Variants in C12orf42 observed in about 807,000 individuals in gnomAD.
The protein encoded by C12orf42 is uncharacterized protein C12orf42.
A neutral mutation model predicts 21.6 loss-of-function variants in C12orf42; 25 were observed. That is an observed-to-expected ratio of 1.16 (90% CI 0.84 to 1.62). The LOEUF (loss-of-function observed/expected upper bound fraction) is 1.62. Among genes scored for constraint, C12orf42 ranks in the 40% most tolerant of loss-of-function variants. The pLI is 0.00. For missense variants in C12orf42, 483 were observed against 459.3 expected (o/e 1.05, Z -0.47); for synonymous variants, 174 against 175.0 (o/e 0.99, Z 0.05).
intron 2 of C12orf42, among the ~76,000 whole-genome samples, chr12:103,464,467 C>T (rs1338078486): frequency 1.3e-5 from 2 of 150,210 alleles, no homozygotes; most frequent in East Asian, 3.9e-4. Flanking sequence ...GGATATTAGA[C>T]CTTTGTCAGA....
the C12orf42 span, among the ~76,000 whole-genome samples, chr12:103,156,703 C>G: frequency 6.6e-6 from 1 of 152,116 alleles, no homozygotes; most frequent in East Asian, 1.9e-4. Context: ...TCAACTCCCA[C>G]TTATGAGTGA....
At chr12:103,130,575 G>T in the C12orf42 span, among the ~76,000 whole-genome samples, 2 of 152,126 alleles carry the variant, frequency 1.3e-5, no homozygotes, top group Non-Finnish European at 2.9e-5. Context: ...TAGTGTGCAG[G>T]TCATTCATTA....
At chr12:103,457,670 A>G (rs1746680688) in intron 2 of C12orf42, among the ~76,000 whole-genome samples, 1 of 152,174 alleles carries the variant, frequency 6.6e-6, no homozygotes, top group Non-Finnish European at 1.5e-5. Flanking sequence ...AAGCATTTGA[A>G]TCAGTTGCCA....
chr12:103,060,810 T>A, the C12orf42 span, among the ~76,000 whole-genome samples: 3 of 152,220 alleles, frequency 2.0e-5, no homozygotes, highest in South Asian at 2.1e-4. Flanking sequence ...TTACACCTGA[T>A]ACAAAAATTA....
At chr12:103,067,628 C>T in the C12orf42 span, among the ~76,000 whole-genome samples, 1 of 152,174 alleles carries the variant, frequency 6.6e-6, no homozygotes. Context: ...TAGTGATCCA[C>T]TAGCAAAATT....
intron 2 of C12orf42, among the ~76,000 whole-genome samples, chr12:103,437,344 AC>A (rs1950809588): frequency 6.6e-6 from 1 of 152,180 alleles, no homozygotes; most frequent in Non-Finnish European, 1.5e-5. Context: ...AATTAAAAGA[AC>A]TAAAAAAGCA....
At chr12:103,152,497 C>A in the C12orf42 span, among the ~76,000 whole-genome samples, 1 of 151,682 alleles carries the variant, frequency 6.6e-6, no homozygotes, top group Non-Finnish European at 1.5e-5. Flanking sequence ...AACAAATAAA[C>A]AAAATAAATA....
At chr12:103,234,414 A>C (rs935354836), downstream of C12orf42, among the ~76,000 whole-genome samples, 5 of 152,098 alleles carry the variant, frequency 3.3e-5, no homozygotes, top group African/African-American at 1.2e-4. Flanking sequence ...AATCTGAGGA[A>C]GTGGGAGGAC....
intron 4 of C12orf42, among the ~76,000 whole-genome samples, chr12:103,355,847 T>C (rs184095360): frequency 4.7e-4 from 72 of 152,232 alleles, no homozygotes; most frequent in Admixed American, 4.1e-3. Flanking sequence ...TCCTTTCCCT[T>C]TTCTTGAAAC....
the C12orf42 span, among the ~76,000 whole-genome samples, chr12:103,208,981 T>G: frequency 6.6e-6 from 1 of 152,298 alleles, no homozygotes; most frequent in Admixed American, 6.5e-5. Flanking sequence ...GTGTCCTGAT[T>G]AACTCTTAAT....
chr12:103,475,295 C>G (rs565095548), intron 2 of C12orf42, among the ~76,000 whole-genome samples: 81 of 152,320 alleles, frequency 5.3e-4, no homozygotes, highest in Admixed American at 1.4e-3. Flanking sequence ...TGCTATTTAC[C>G]CTTCCTATTA....
chr12:103,319,767 T>C (rs1030748129), intron 4 of C12orf42, among the ~76,000 whole-genome samples: 3 of 152,226 alleles, frequency 2.0e-5, no homozygotes, highest in Non-Finnish European at 4.4e-5. Context: ...TGCGACATTG[T>C]TTGAGTGCAG....
chr12:103,340,195 G>C (rs1411393936), intron 4 of C12orf42, among the ~76,000 whole-genome samples: 1 of 152,202 alleles, frequency 6.6e-6, no homozygotes, highest in East Asian at 1.9e-4. Flanking sequence ...GCGCTAAAGA[G>C]AGTGAGTTCT....
the C12orf42 span, among the ~76,000 whole-genome samples, chr12:103,058,827 A>G: frequency 6.6e-6 from 1 of 152,196 alleles, no homozygotes. Flanking sequence ...ACACGGCTAA[A>G]GCAGTGTTAA....
the C12orf42 span, among the ~76,000 whole-genome samples, chr12:103,108,652 G>A: frequency 6.6e-6 from 1 of 152,062 alleles, no homozygotes; most frequent in Non-Finnish European, 1.5e-5. Flanking sequence ...GTAAACATAA[G>A]TATTGATAGA....
rs17567188 is a variant in C12orf42 at position 103,352,977 on chromosome 12, C to T, written c.259+15910G>A. ...TGTGGGTTTATCAAAGGTAAGCAGGCTAAACAAAGTTGAGACAAATGCATA... is the reference window on the plus strand; with the variant it reads ...TGTGGGTTTATCAAAGGTAAGCAGGTTAAACAAAGTTGAGACAAATGCATA... On this transcript the variant is annotated intron_variant, in intron 4 of 5. Coordinates refer to ENST00000548883, the MANE Select transcript of C12orf42 (RefSeq NM_198521.5). Among the ~76,000 whole-genome samples, 508 of 152,182 alleles carry T rather than the reference C, an allele frequency of 3.3e-3. 3 individuals are homozygous for T. The highest frequency in any genetic ancestry group is 0.01 in the Middle Eastern group (3 of 294).
intron 3 of C12orf42, chr12:103,378,697 G>C (rs2045912732): frequency 1.3e-5 from 2 of 152,168 alleles, no homozygotes; most frequent in South Asian, 4.1e-4. Context: ...TATGGGATTT[G>C]GAATTCGTAC....
At chr12:103,428,311 C>A (rs1226272567) in intron 2 of C12orf42, among the ~76,000 whole-genome samples, 1 of 151,958 alleles carries the variant, frequency 6.6e-6, no homozygotes, top group African/African-American at 2.4e-5. Flanking sequence ...CACAGAAATA[C>A]AAACTACATC....
chr12:103,210,635 A>ATTTCTTTTTTTTTTTTTTTTTTTTTTTT, the C12orf42 span, among the ~76,000 whole-genome samples: 1 of 41,616 alleles, frequency 2.4e-5, no homozygotes, highest in African/African-American at 7.5e-5. Flanking sequence ...AACACCCTCT[A>ATTTCTTTTTTTTTTTTTTTTTTTTTTTT]TTTCTTTTTT....
Sources: allele counts gnomAD v4.1 joint callset (sites outside exome capture counted in the v4.1 genomes callset), GRCh38; gene constraint gnomAD v4.1.1; transcripts MANE v1.5; gene names NCBI Gene and HGNC (gene_info 2026-07-23, HGNC 2026-07-21).